The following NRF1 variants were observed in gnomAD, a reference collection of about 807,000 sequenced individuals.
NRF1 encodes alpha palindromic-binding protein.
Under a neutral mutation model 58.5 loss-of-function variants are expected in NRF1, and 5 were observed. That is an observed-to-expected ratio of 0.09 (90% CI 0.04 to 0.18). NRF1 has a LOEUF of 0.18. Among genes scored for constraint, NRF1 ranks in the 10% least tolerant of loss-of-function variants. The probability of loss-of-function intolerance (pLI) is 1.00; values close to 1 mark genes in which losing one functional copy is unlikely to be tolerated. For synonymous variants in NRF1, 224 were observed against 246.7 expected, an observed-to-expected ratio of 0.91 and a Z score of 0.86; for missense variants, 288 against 657.7, an observed-to-expected ratio of 0.44 and a Z score of 6.15.
intron 4 of NRF1, among the ~76,000 whole-genome samples, chr7:129,679,109 A>T (rs1237111285): frequency 6.6e-6 from 1 of 152,258 alleles, no homozygotes. Flanking sequence ...TTAAAAACTG[A>T]ATAAAACACA....
intron 5 of NRF1, among the ~76,000 whole-genome samples, chr7:129,692,743 C>T (rs1489236645): frequency 6.6e-6 from 1 of 152,170 alleles, no homozygotes; most frequent in African/African-American, 2.4e-5. Flanking sequence ...TCCCCTCAGT[C>T]ACTGGGCTGC....
At chr7:129,633,395 CTG>C (rs1467143631) in intron 1 of NRF1, 1 of 152,212 alleles carries the variant, frequency 6.6e-6, no homozygotes, top group Admixed American at 6.5e-5. Context: ...CTTGATGTCA[CTG>C]TGGAAAGCAC....
chr7:129,649,636 T>C (rs1801490946), intron 1 of NRF1, among the ~76,000 whole-genome samples: 1 of 152,154 alleles, frequency 6.6e-6, no homozygotes, highest in Non-Finnish European at 1.5e-5. Flanking sequence ...TTTTTCTGTG[T>C]TTTCTTCCAC....
At chr7:129,618,910 G>A (rs990940600) in intron 1 of NRF1, among the ~76,000 whole-genome samples, 1 of 152,016 alleles carries the variant, frequency 6.6e-6, no homozygotes, top group Non-Finnish European at 1.5e-5. Context: ...AAATAATTTT[G>A]TGCAGGAAAC....
intron 1 of NRF1, among the ~76,000 whole-genome samples, chr7:129,656,732 G>T (rs79369564): frequency 0.025 from 3,733 of 152,066 alleles, 54 homozygotes; most frequent in Middle Eastern, 0.075. Flanking sequence ...CCACCACCAC[G>T]CCTGGCTAAT....
intron 8 of NRF1, 66 bp downstream of exon 8, chr7:129,711,642 T>C: frequency 7.7e-7 from 1 of 1,299,354 alleles, no homozygotes; most frequent in Non-Finnish European, 1.1e-6. Flanking sequence ...AAAGCAAGGG[T>C]CCAGAAGATG....
At chr7:129,690,660 T>C in intron 5 of NRF1, 114 bp downstream of exon 5, 2 of 1,123,932 alleles carry the variant, frequency 1.8e-6, no homozygotes, top group East Asian at 4.9e-5. Context: ...AGTGAGATGC[T>C]GACTGGAGTC....
intron 10 of NRF1, among the ~76,000 whole-genome samples, chr7:129,745,504 CA>C (rs755377530): frequency 1.2e-4 from 10 of 86,020 alleles, no homozygotes; most frequent in Admixed American, 2.6e-4. Context: ...CCATCCCCCT[CA>C]ACCCCCCCCC....
intron 10 of NRF1, among the ~76,000 whole-genome samples, chr7:129,754,467 A>AAAAAAAAAAAAT (rs1804202211): frequency 6.7e-6 from 1 of 148,888 alleles, no homozygotes; most frequent in Non-Finnish European, 1.5e-5. Context: ...TGTCTCTTAA[A>AAAAAAAAAAAAT]AAAAAAAAAA....
intron 9 of NRF1, among the ~76,000 whole-genome samples, chr7:129,726,069 A>G (rs1399824479): frequency 3.3e-5 from 5 of 152,198 alleles, no homozygotes; most frequent in Non-Finnish European, 7.3e-5. Flanking sequence ...TTGTGCTTAC[A>G]AGACCACTGC....
intron 4 of NRF1, among the ~76,000 whole-genome samples, chr7:129,678,481 A>G (rs1802234775): frequency 6.6e-6 from 1 of 152,194 alleles, no homozygotes; most frequent in Non-Finnish European, 1.5e-5. Flanking sequence ...ATTAGTAATC[A>G]ATTGATCGAA....
intron 10 of NRF1, among the ~76,000 whole-genome samples, chr7:129,728,604 A>T (rs1157529264): frequency 6.6e-6 from 1 of 151,994 alleles, no homozygotes; most frequent in East Asian, 1.9e-4. Flanking sequence ...TGTTTATGGT[A>T]GGTGCCTAAG....
chr7:129,616,952 T>C (rs1219569804), intron 1 of NRF1, among the ~76,000 whole-genome samples: 1 of 152,192 alleles, frequency 6.6e-6, no homozygotes, highest in African/African-American at 2.4e-5. Flanking sequence ...AGGGGAAATA[T>C]TCTCAAAAAA....
chr7:129,619,488 GTGTATATATATA>G (rs1177906189), intron 1 of NRF1, among the ~76,000 whole-genome samples: 457 of 40,608 alleles, frequency 0.011, 23 homozygotes, highest in Admixed American at 0.055. Flanking sequence ...GTGTGTGTGT[GTGTATATATATA>G]TATATATATA....
At chr7:129,694,855 A>G (rs1802651811) in intron 5 of NRF1, among the ~76,000 whole-genome samples, 1 of 152,188 alleles carries the variant, frequency 6.6e-6, no homozygotes, top group African/African-American at 2.4e-5. Flanking sequence ...ATCAAAGTCT[A>G]AAAGGTGTGT....
intron 3 of NRF1, among the ~76,000 whole-genome samples, chr7:129,673,218 G>T (rs1168570042): frequency 6.6e-6 from 1 of 152,308 alleles, no homozygotes; most frequent in Admixed American, 6.5e-5. Flanking sequence ...AGGGTGAAAA[G>T]ATTGGAATAG....
At chr7:129,713,093 CTT>C (rs536331873) in intron 8 of NRF1, among the ~76,000 whole-genome samples, 7 of 130,158 alleles carry the variant, frequency 5.4e-5, no homozygotes, top group African/African-American at 1.1e-4. Context: ...GTTGCGTTTC[CTT>C]TTTTTTTTTT....
At chr7:129,634,424 A>G (rs6979455) in intron 1 of NRF1, among the ~76,000 whole-genome samples, 28,768 of 151,966 alleles carry the variant, frequency 0.19, 3,004 homozygotes, top group East Asian at 0.47. Flanking sequence ...AAAATGTCCT[A>G]TGGTTGGAAT....
At chr7:129,641,382 T>C (rs1454301297) in intron 1 of NRF1, among the ~76,000 whole-genome samples, 2 of 152,184 alleles carry the variant, frequency 1.3e-5, no homozygotes, top group Non-Finnish European at 2.9e-5. Context: ...TTTTGGAAAA[T>C]GGGATTGTAA....
Sources: allele counts gnomAD v4.1 joint callset (sites outside exome capture counted in the v4.1 genomes callset), GRCh38; gene constraint gnomAD v4.1.1; transcripts MANE v1.5; gene names NCBI Gene and HGNC (gene_info 2026-07-23, HGNC 2026-07-21).